The following C12orf42 variants were observed in gnomAD, a reference collection of about 807,000 sequenced individuals.
The protein encoded by C12orf42 is chromosome 12 open reading frame 42, also known as uncharacterized protein C12orf42.
In C12orf42, 25 loss-of-function variants were observed where a neutral mutation model predicts 21.6. That is an observed-to-expected ratio of 1.16 (90% CI 0.84 to 1.62). C12orf42 has a LOEUF of 1.62. Among genes scored for constraint, C12orf42 ranks in the 40% most tolerant of loss-of-function variants. C12orf42 has a pLI of 0.00. For synonymous variants in C12orf42, 174 were observed against 175.0 expected (o/e 0.99, Z 0.05); for missense variants, 483 against 459.3 (o/e 1.05, Z -0.47).
intron 4 of C12orf42, among the ~76,000 whole-genome samples, chr12:103,325,774 C>T (rs1373033729): frequency 3.9e-5 from 6 of 152,170 alleles, no homozygotes; most frequent in African/African-American, 1.4e-4. Context: ...TTTTCCTCCT[C>T]CTTAATCTGG....
At chr12:103,401,824 A>G in intron 2 of C12orf42, 149 bp from the exon 3 acceptor site, 2 of 731,922 alleles carry the variant, frequency 2.7e-6, no homozygotes, top group African/African-American at 1.8e-5. Flanking sequence ...ATTGCCCACA[A>G]CACTGTCCCA....
At chr12:103,185,162 G>C in the C12orf42 span, among the ~76,000 whole-genome samples, 5 of 152,124 alleles carry the variant, frequency 3.3e-5, no homozygotes, top group African/African-American at 1.2e-4. Context: ...ATTCATAAGA[G>C]GTTTTCTATT....
chr12:103,291,751 T>C (rs1380094312), intron 4 of C12orf42, among the ~76,000 whole-genome samples: 1 of 152,154 alleles, frequency 6.6e-6, no homozygotes, highest in Non-Finnish European at 1.5e-5. Flanking sequence ...TACCATATTG[T>C]AATTAGCGTA....
chr12:103,517,168 G>GT, the C12orf42 span, among the ~76,000 whole-genome samples: 21 of 152,162 alleles, frequency 1.4e-4, no homozygotes, highest in Non-Finnish European at 2.8e-4. Flanking sequence ...GGAAAGAGGT[G>GT]TTTTTTGTGT....
intron 4 of C12orf42, among the ~76,000 whole-genome samples, chr12:103,355,494 G>C (rs1056395561): frequency 2.6e-5 from 4 of 152,112 alleles, no homozygotes; most frequent in Non-Finnish European, 5.9e-5. Flanking sequence ...CATTCTGCTT[G>C]TTGACCATCC....
At chr12:103,416,892 C>T (rs1390809695) in intron 2 of C12orf42, among the ~76,000 whole-genome samples, 2 of 152,108 alleles carry the variant, frequency 1.3e-5, no homozygotes, top group Admixed American at 6.6e-5. Flanking sequence ...ACTAGTTGCA[C>T]AAAAGATATT....
At chr12:103,263,610 C>T (rs1033463804), downstream of C12orf42, among the ~76,000 whole-genome samples, 1 of 152,148 alleles carries the variant, frequency 6.6e-6, no homozygotes, top group African/African-American at 2.4e-5. Flanking sequence ...AGGAACTCCT[C>T]TGCTCTCCTT....
At chr12:103,444,291 G>A (rs925826828) in intron 2 of C12orf42, among the ~76,000 whole-genome samples, 13 of 151,670 alleles carry the variant, frequency 8.6e-5, no homozygotes, top group Non-Finnish European at 1.8e-4. Flanking sequence ...GGGATTCATG[G>A]GTTTCACAGG....
chr12:103,438,575 C>CA (rs1210127699), intron 2 of C12orf42, among the ~76,000 whole-genome samples: 4 of 152,138 alleles, frequency 2.6e-5, no homozygotes, highest in African/African-American at 9.6e-5. Context: ...GATACAAAAT[C>CA]AATGTACAAA....
the C12orf42 span, among the ~76,000 whole-genome samples, chr12:103,128,580 A>C: frequency 6.6e-6 from 1 of 152,222 alleles, no homozygotes; most frequent in East Asian, 1.9e-4. Context: ...CAAATGCATG[A>C]AGTTTCCAGA....
At chr12:103,528,319 A>G in the C12orf42 span, among the ~76,000 whole-genome samples, 2 of 152,366 alleles carry the variant, frequency 1.3e-5, no homozygotes, top group East Asian at 1.9e-4. Flanking sequence ...GCTTACAAGT[A>G]GTACTTGAGC....
the C12orf42 span, among the ~76,000 whole-genome samples, chr12:103,150,746 C>A: frequency 6.8e-4 from 103 of 152,244 alleles, no homozygotes; most frequent in African/African-American, 2.4e-3. Context: ...GCCTCTATTT[C>A]TAATATAAAA....
the C12orf42 span, among the ~76,000 whole-genome samples, chr12:103,100,005 G>A: frequency 6.6e-6 from 1 of 152,132 alleles, no homozygotes; most frequent in African/African-American, 2.4e-5. Flanking sequence ...ATTTACCCAA[G>A]CTTGCCACAC....
chr12:103,552,608 G>A, the C12orf42 span, among the ~76,000 whole-genome samples: 1 of 152,124 alleles, frequency 6.6e-6, no homozygotes, highest in African/African-American at 2.4e-5. Flanking sequence ...AATGCTTGAG[G>A]TAGAAATACT....
chr12:103,401,521 A>C, intron 3 of C12orf42, 86 bp downstream of exon 3: 1 of 1,121,472 alleles, frequency 8.9e-7, no homozygotes, highest in Non-Finnish European at 1.3e-6. Context: ...AAATACAAAG[A>C]AACAAATCTG....
chr12:103,413,091 C>A (rs2048987372), intron 2 of C12orf42, among the ~76,000 whole-genome samples: 1 of 152,130 alleles, frequency 6.6e-6, no homozygotes, highest in African/African-American at 2.4e-5. Context: ...ATGGTTTGAG[C>A]TGTTACATTT....
At chr12:103,494,132 TG>T (rs1340753277) in intron 1 of C12orf42, among the ~76,000 whole-genome samples, 1 of 152,228 alleles carries the variant, frequency 6.6e-6, no homozygotes, top group Non-Finnish European at 1.5e-5. Context: ...CTTAGGGCCA[TG>T]GGTACATGAG....
At chr12:103,532,930 G>A in the C12orf42 span, among the ~76,000 whole-genome samples, 2 of 152,170 alleles carry the variant, frequency 1.3e-5, no homozygotes, top group African/African-American at 2.4e-5. Flanking sequence ...AAGGTGAAGC[G>A]CGGATCACGG....
the C12orf42 span, among the ~76,000 whole-genome samples, chr12:103,171,262 C>G: frequency 1.3e-5 from 2 of 152,090 alleles, no homozygotes; most frequent in African/African-American, 4.8e-5. Context: ...TATATAAACA[C>G]CTCGGTATAT....
Sources: allele counts gnomAD v4.1 joint callset (sites outside exome capture counted in the v4.1 genomes callset), GRCh38; gene constraint gnomAD v4.1.1; transcripts MANE v1.5; gene names NCBI Gene and HGNC (gene_info 2026-07-23, HGNC 2026-07-21).